The following MYOM2 variants were observed in gnomAD, a reference collection of about 807,000 sequenced individuals.
MYOM2 encodes myomesin 2, also known as myomesin-2.
A neutral mutation model predicts 187.6 loss-of-function variants in MYOM2; 254 were observed. The ratio of observed to expected loss-of-function variants is 1.35; its 90% CI spans 1.22 to 1.50. MYOM2 has a LOEUF of 1.50. MYOM2 is among the 40% of genes most tolerant of loss of function. MYOM2 has a pLI of 0.00. For missense variants in MYOM2, 2,796 were observed against 1,924.0 expected (o/e 1.45, Z -8.48); for synonymous variants, 981 against 753.8 (o/e 1.30, Z -4.94).
At chr8:2,088,744 G>A (rs1007559824) in intron 14 of MYOM2, among the ~76,000 whole-genome samples, 2 of 152,212 alleles carry the variant, frequency 1.3e-5, no homozygotes, top group Non-Finnish European at 2.9e-5. Flanking sequence ...TGCATCTTCT[G>A]GTAGAATGGT....
chr8:2,137,915 A>G (rs899262333), intron 32 of MYOM2, among the ~76,000 whole-genome samples: 4 of 152,138 alleles, frequency 2.6e-5, no homozygotes, highest in African/African-American at 9.7e-5. Flanking sequence ...CTCTGCACAG[A>G]CGGGCTTCTT....
Position 2,139,715 on chromosome 8 carries a change from C to T in MYOM2, c.3801-1008C>T, listed in dbSNP as rs547823398. Among the ~76,000 whole-genome samples the T allele has an allele frequency of 7.2e-5, 11 of 152,194 alleles. No homozygotes were observed. The East Asian group carries it at 7.7e-4, about 11-fold the overall frequency. ...CCAGCTCTTGGGTGGCCCTGGAGTC[C>T]GTCCTGTTTTCATGCACCTGTGACT... On this transcript the variant is annotated intron_variant, in intron 32 of 36. Coordinates refer to ENST00000262113, the MANE Select transcript of MYOM2 (RefSeq NM_003970.4).
chr8:2,073,265 C>A, intron 9 of MYOM2, 74 bp from the exon 10 acceptor site: 1 of 1,510,566 alleles, frequency 6.6e-7, no homozygotes, highest in Non-Finnish European at 9.0e-7. Flanking sequence ...TGAGACGACG[C>A]TGGTGTCCCC....
intron 34 of MYOM2, 40 bp from the exon 35 acceptor site, chr8:2,142,335 C>T (rs1241114439): frequency 1.2e-6 from 2 of 1,604,420 alleles, no homozygotes; most frequent in Non-Finnish European, 1.7e-6. Context: ...TTCTCATACT[C>T]TCTTTTCATT....
At chr8:2,143,536 A>C in intron 36 of MYOM2, 80 bp downstream of exon 36, 2 of 1,559,542 alleles carry the variant, frequency 1.3e-6, no homozygotes, top group Admixed American at 1.7e-5. Context: ...GGCGGAGCAG[A>C]GGGAACCCAG....
intron 3 of MYOM2, among the ~76,000 whole-genome samples, chr8:2,054,062 C>T (rs906440778): frequency 1.3e-5 from 2 of 152,136 alleles, no homozygotes; most frequent in African/African-American, 4.8e-5. Context: ...GTGAGCAGCT[C>T]CATGGATTCC....
chr8:2,115,513 C>G (rs1480866354), intron 25 of MYOM2, among the ~76,000 whole-genome samples: 2 of 152,242 alleles, frequency 1.3e-5, no homozygotes, highest in Non-Finnish European at 1.5e-5. Context: ...CCACAGCAGG[C>G]TGGGGCTTGT....
rs945814065 is a variant in MYOM2, at chr8:2,143,578, A to G, written c.4080+122A>G. 3.9e-5 allele frequency: 48 copies of G among 1,224,464 alleles called. 2 individuals carry two copies. The Admixed American group carries it at 8.0e-4, about 20-fold the overall frequency. 75.8% of individuals were successfully genotyped at this position (1,224,464 alleles called of 1,614,324 possible). ...GCTTCTGTGTCCTCACTCAGCCTGC[A>G]GGGAACCCAGAGTCCCCCCCACTTT... On this transcript the variant is annotated intron_variant, in intron 36 of 36. Transcript: ENST00000262113.
At chr8:2,132,577 CTCTT>C (rs1797912962) in intron 32 of MYOM2, among the ~76,000 whole-genome samples, 1 of 145,196 alleles carries the variant, frequency 6.9e-6, no homozygotes, top group South Asian at 2.2e-4. Flanking sequence ...ATTGCAGTCT[CTCTT>C]TCTCTCTCTC....
chr8:2,093,521 A>T (rs988989537), intron 16 of MYOM2, among the ~76,000 whole-genome samples: 1 of 152,196 alleles, frequency 6.6e-6, no homozygotes, highest in Admixed American at 6.5e-5. Context: ...ACAGGGGTTA[A>T]GGAGGTTGAT....
At chr8:2,054,813 G>A (rs1354311329) in intron 3 of MYOM2, among the ~76,000 whole-genome samples, 1 of 152,174 alleles carries the variant, frequency 6.6e-6, no homozygotes, top group Non-Finnish European at 1.5e-5. Flanking sequence ...CTTGTTCCCT[G>A]CAGGACATCT....
chr8:2,081,142 C>T (rs1455933202), intron 13 of MYOM2, among the ~76,000 whole-genome samples: 1 of 111,576 alleles, frequency 9.0e-6, no homozygotes. Flanking sequence ...GAGGAACAGG[C>T]AGCCCAGCCC....
chr8:2,097,434 A>G (rs1280809620), intron 18 of MYOM2, among the ~76,000 whole-genome samples: 2 of 152,220 alleles, frequency 1.3e-5, no homozygotes, highest in Non-Finnish European at 2.9e-5. Context: ...TGGAATGATT[A>G]AATCAAGCCA....
chr8:2,078,752 T>C lies in MYOM2; in HGVS notation c.1281T>C (p.Asn427=). ...YFVDRCEVGT[N]NWVQCNDAPV... ...CTTGAAGATGTGAAGTAGGAACGAA[T>C]AATTGGGTGCAGTGCAATGATGCAC... The change falls in exon 12 of 37, where the codon AAT becomes AAC. Residue 427 remains asparagine (N), a synonymous_variant. Coordinates refer to ENST00000262113, the MANE Select transcript of MYOM2 (RefSeq NM_003970.4). 6.2e-7 allele frequency: 1 copy of C among 1,614,176 alleles called. No homozygotes were observed. Among genetic ancestry groups the C allele is most frequent in the Non-Finnish European group, 8.5e-7 (1 of 1,180,038 alleles).
intron 28 of MYOM2, among the ~76,000 whole-genome samples, chr8:2,120,684 A>ATT (rs1392144950): frequency 2.6e-5 from 1 of 38,878 alleles, no homozygotes; most frequent in Admixed American, 3.2e-4. Flanking sequence ...ATTATATTAT[A>ATT]TATAAATATA....
chr8:2,111,678 T>C (rs1023224238), intron 25 of MYOM2, among the ~76,000 whole-genome samples: 1 of 152,212 alleles, frequency 6.6e-6, no homozygotes, highest in Non-Finnish European at 1.5e-5. Flanking sequence ...CTGCTCATGG[T>C]ACCTCCAAGA....
At chr8:2,079,084 C>T (rs1819533691) in intron 12 of MYOM2, 151 bp downstream of exon 12, 2 of 694,864 alleles carry the variant, frequency 2.9e-6, no homozygotes, top group East Asian at 2.7e-5. Flanking sequence ...CGTTCTCTGA[C>T]ATCTCCACCA....
chr8:2,094,426 G>A (rs955963940), intron 17 of MYOM2, among the ~76,000 whole-genome samples: 8 of 152,220 alleles, frequency 5.3e-5, no homozygotes, highest in African/African-American at 1.9e-4. Flanking sequence ...GGCCAAGGTG[G>A]CTGGATCATG....
At chr8:2,140,519 A>G (rs1175773781) in intron 32 of MYOM2, among the ~76,000 whole-genome samples, 1 of 152,258 alleles carries the variant, frequency 6.6e-6, no homozygotes, top group Non-Finnish European at 1.5e-5. Context: ...ACCTTTAAAA[A>G]TTAAGTATCA....
Sources: gnomAD v4.1 joint callset for allele counts (sites outside exome capture counted in the v4.1 genomes callset) on GRCh38, gnomAD v4.1.1 for gene constraint, MANE v1.5 for transcripts, NCBI Gene and HGNC (gene_info 2026-07-23, HGNC 2026-07-21) for gene names.